Variants in SMIM13 observed in about 807,000 individuals in gnomAD.
The protein encoded by SMIM13 is small integral membrane protein 13, also known as UPF0766 protein C6orf228.
Under a neutral mutation model 5.9 loss-of-function variants are expected in SMIM13, and 3 were observed. The ratio of observed to expected loss-of-function variants is 0.51; its 90% CI spans 0.23 to 1.31. The LOEUF (loss-of-function observed/expected upper bound fraction) is 1.31, where lower values mean the gene tolerates loss of function less well. SMIM13 is among the 40% of genes most tolerant of loss of function. The pLI is 0.18. For synonymous variants in SMIM13, 55 were observed against 46.0 expected (o/e 1.19, Z -0.79); for missense variants, 85 against 109.9 (o/e 0.77, Z 1.01).
At chr6:11,110,512 C>G (rs1204074290) in intron 1 of SMIM13, among the ~76,000 whole-genome samples, 3 of 152,184 alleles carry the variant, frequency 2.0e-5, no homozygotes, top group African/African-American at 7.2e-5. Context: ...CTGGACTTCT[C>G]TCCCTTCAAA....
At chr6:11,102,526 C>G (rs1002128819) in intron 1 of SMIM13, 1 of 152,194 alleles carries the variant, frequency 6.6e-6, no homozygotes, top group African/African-American at 2.4e-5. Context: ...AAGGGTGATT[C>G]ATGAACAGGC....
At chr6:11,094,435 C>A in intron 1 of SMIM13, 46 bp downstream of exon 1, 2 of 1,416,848 alleles carry the variant, frequency 1.4e-6, no homozygotes, top group Non-Finnish European at 1.9e-6. Flanking sequence ...CGCCGGGTCG[C>A]TGATCTGCTG....
At chr6:11,114,542 T>A (rs1758211194) in intron 1 of SMIM13, among the ~76,000 whole-genome samples, 1 of 54,458 alleles carries the variant, frequency 1.8e-5, no homozygotes, top group African/African-American at 1.0e-4. Flanking sequence ...GGATATTGGA[T>A]TTTTTTTTTT....
chr6:11,105,369 C>A, intron 1 of SMIM13: 1 of 1,306,892 alleles, frequency 7.7e-7, no homozygotes, highest in Middle Eastern at 1.9e-4. Context: ...TGGTGGTGTA[C>A]AAGTTAGGGT....
chr6:11,099,195 A>T (rs1757961689), intron 1 of SMIM13, among the ~76,000 whole-genome samples: 1 of 150,808 alleles, frequency 6.6e-6, no homozygotes, highest in Non-Finnish European at 1.5e-5. Context: ...TTTTTTTTTG[A>T]GACGGAGTCT....
At chr6:11,097,668 CA>C (rs34556394) in intron 1 of SMIM13, among the ~76,000 whole-genome samples, 49,053 of 109,812 alleles carry the variant, frequency 0.45, 8,143 homozygotes, top group African/African-American at 0.54. Flanking sequence ...AACTCCGTTT[CA>C]AAAAAAAAAA....
At chr6:11,124,846 C>T (rs980845797) in intron 1 of SMIM13, among the ~76,000 whole-genome samples, 3 of 152,064 alleles carry the variant, frequency 2.0e-5, no homozygotes, top group Non-Finnish European at 4.4e-5. Context: ...TGAAGAACTC[C>T]TTTTATCACT....
At position 11,120,291 on chromosome 6, in the gene SMIM13, G is replaced by A. The variant is rs139023140; in HGVS notation, c.77-14112G>A. Among the ~76,000 whole-genome samples, 761 of 152,270 alleles carry A rather than the reference G, an allele frequency of 5.0e-3. 1 individual carries two copies. Among genetic ancestry groups the A allele is most frequent in the South Asian group, 0.024 (115 of 4,820 alleles). On this transcript the variant is annotated intron_variant, in intron 1 of 1. Transcript: ENST00000416247. ...TAACAGAAATACCATAGACCAGGTGGCTTATAAACAACGGAAGTTTATTTC... is the reference window on the plus strand; with the variant it reads ...TAACAGAAATACCATAGACCAGGTGACTTATAAACAACGGAAGTTTATTTC...
chr6:11,129,079 G>GAGC (rs1554119922), intron 1 of SMIM13, among the ~76,000 whole-genome samples: 6 of 60,934 alleles, frequency 9.8e-5, no homozygotes, highest in African/African-American at 3.9e-4. Context: ...TACCGGGAGC[G>GAGC]GGGGGGGGAT....
chr6:11,104,903 A>G (rs1758060711), intron 1 of SMIM13: 6 of 1,614,074 alleles, frequency 3.7e-6, no homozygotes, highest in Admixed American at 1.7e-5. Flanking sequence ...GAGTGCCTAC[A>G]TTTGTTCCAT....
intron 1 of SMIM13, among the ~76,000 whole-genome samples, chr6:11,124,120 T>G (rs925742662): frequency 6.6e-6 from 1 of 152,256 alleles, no homozygotes; most frequent in Non-Finnish European, 1.5e-5. Context: ...AAATATGTTT[T>G]TGTACCCATT....
At chr6:11,107,160 T>C (rs1336763758) in intron 1 of SMIM13, among the ~76,000 whole-genome samples, 2 of 152,226 alleles carry the variant, frequency 1.3e-5, no homozygotes, top group African/African-American at 4.8e-5. Context: ...ATCTTTTAAA[T>C]CTTCCTGGCT....
At chr6:11,099,320 G>A (rs1480254086) in intron 1 of SMIM13, among the ~76,000 whole-genome samples, 1 of 152,012 alleles carries the variant, frequency 6.6e-6, no homozygotes, top group East Asian at 1.9e-4. Context: ...GATTATAGGC[G>A]CCCGCCACCA....
chr6:11,137,570 T>C lies in SMIM13; in HGVS notation c.*2968T>C, dbSNP rs918467571. 2.0e-5 allele frequency: 3 copies of C among 152,138 alleles called. No individual in the cohort carries two copies. The highest frequency in any genetic ancestry group is 2.9e-5 in the Non-Finnish European group (2 of 67,988). The allele number at this position is 152,138 out of a possible 1,614,324, so 9.4% of individuals were successfully genotyped here. A position where few individuals can be genotyped will look rare whatever the true frequency, so the allele number is the denominator to read the frequency against. On this transcript the variant is annotated 3_prime_UTR_variant, in exon 2 of 2. Transcript: ENST00000416247. ...TTGTCTAACCCCTCACAAAGGATGA[T>C]GGTGATCAGCATGCCATCTTTTGAA...
intron 1 of SMIM13, among the ~76,000 whole-genome samples, chr6:11,125,616 A>AC (rs1554119760): frequency 2.6e-5 from 4 of 152,194 alleles, no homozygotes; most frequent in African/African-American, 9.6e-5. Flanking sequence ...ACAAAAGACA[A>AC]AACAACAACA....
Position 11,136,984 on chromosome 6 carries a change from G to A in SMIM13, c.*2382G>A, listed in dbSNP as rs1391856455. On this transcript the variant is annotated 3_prime_UTR_variant, in exon 2 of 2. Transcript: ENST00000416247. The stretch of plus-strand genomic sequence containing the variant: ...TGCTGGAAAACTTAAAGTAGCTGGT[G>A]AGCTTCCTGTTATGTCACTATTAAA... 1 of 152,060 alleles carries A rather than the reference G, an allele frequency of 6.6e-6. No individual in the cohort carries two copies. The highest frequency in any genetic ancestry group is 1.9e-4 in the East Asian group (1 of 5,192). 9.4% of individuals were successfully genotyped at this position (152,060 alleles called of 1,614,324 possible). A position where few individuals can be genotyped will look rare whatever the true frequency, so the allele number is the denominator to read the frequency against.
At chr6:11,104,577 C>T (rs558720062) in intron 1 of SMIM13, 1 of 1,611,950 alleles carries the variant, frequency 6.2e-7, no homozygotes, top group East Asian at 2.2e-5. Context: ...CTGGTTAGCT[C>T]CCTTGGTTTT....
intron 1 of SMIM13, among the ~76,000 whole-genome samples, chr6:11,107,787 TG>T (rs1356798601): frequency 6.6e-6 from 1 of 152,168 alleles, no homozygotes; most frequent in South Asian, 2.1e-4. Context: ...ACAGGTAAGA[TG>T]GGGTGTTATA....
intron 1 of SMIM13, among the ~76,000 whole-genome samples, chr6:11,107,651 C>G (rs1000620017): frequency 2.0e-5 from 3 of 152,172 alleles, no homozygotes; most frequent in Non-Finnish European, 4.4e-5. Flanking sequence ...GACTGGAAAC[C>G]ACTGAGCATC....
Sources: allele counts gnomAD v4.1 joint callset (sites outside exome capture counted in the v4.1 genomes callset), GRCh38; gene constraint gnomAD v4.1.1; transcripts MANE v1.5; gene names NCBI Gene and HGNC (gene_info 2026-07-23, HGNC 2026-07-21).